TEX11: variants seen among roughly 807,000 people sequenced by gnomAD.
The protein encoded by TEX11 is testis expressed 11, also known as testis-expressed protein 11.
TEX11 carries 7 observed loss-of-function variants against 84.4 expected under a neutral mutation model. The ratio of observed to expected loss-of-function variants is 0.08; its 90% CI spans 0.05 to 0.16. TEX11 has a LOEUF of 0.16. TEX11 is among the 10% of genes least tolerant of loss of function. TEX11 has a pLI of 1.00. For synonymous variants in TEX11, 264 were observed against 222.8 expected (o/e 1.18, Z -1.64); for missense variants, 551 against 660.5 (o/e 0.83, Z 1.82).
rs759967797 is a variant in TEX11, at chrX:70,622,538, G to A, written c.1751+1412C>T. Among the ~76,000 whole-genome samples, 7 of 111,477 alleles carry A rather than the reference G, an allele frequency of 6.3e-5. No homozygotes were observed. In the South Asian group the frequency reaches 1.5e-3, roughly 24 times the overall value. ...TAATATTCAGTCATTTAAATAAATCGAATGGCAATTATGTGTCAGATACTG... is the reference window on the plus strand; with the variant it reads ...TAATATTCAGTCATTTAAATAAATCAAATGGCAATTATGTGTCAGATACTG... On this transcript the variant is annotated intron_variant, in intron 20 of 29. Coordinates refer to ENST00000374333, the MANE Select transcript of TEX11 (RefSeq NM_031276.3).
intron 17 of TEX11, among the ~76,000 whole-genome samples, chrX:70,643,607 A>G (rs1159348010): frequency 1.4e-4 from 15 of 109,469 alleles, no homozygotes; most frequent in Admixed American, 1.3e-3. Context: ...AGCCCTCAGA[A>G]ATAACGCTGC....
intron 11 of TEX11, among the ~76,000 whole-genome samples, chrX:70,730,260 C>G (rs59099833): frequency 0.019 from 2,099 of 111,628 alleles, 49 homozygotes; most frequent in African/African-American, 0.065. Flanking sequence ...GGCAAAATAA[C>G]CAGCTAACAT....
At chrX:70,704,119 C>G (rs1470186474) in intron 13 of TEX11, among the ~76,000 whole-genome samples, 3 of 109,417 alleles carry the variant, frequency 2.7e-5, no homozygotes, top group Non-Finnish European at 5.7e-5. Flanking sequence ...GTCTCTGTCT[C>G]TCTCTCTCTC....
intron 25 of TEX11, among the ~76,000 whole-genome samples, chrX:70,576,241 C>T (rs1485271740): frequency 1.8e-5 from 2 of 111,475 alleles, no homozygotes; most frequent in Non-Finnish European, 3.8e-5. Context: ...AAAAGGATGG[C>T]GTTTTCCAAT....
chrX:70,686,316 A>C (rs1299076364), intron 13 of TEX11, among the ~76,000 whole-genome samples: 1 of 112,223 alleles, frequency 8.9e-6, no homozygotes, highest in African/African-American at 3.2e-5. Flanking sequence ...GACTGGATAA[A>C]GAAAATGTGG....
chrX:70,654,781 T>C (rs1013276162), intron 16 of TEX11, among the ~76,000 whole-genome samples: 1 of 104,743 alleles, frequency 9.5e-6, no homozygotes, highest in Non-Finnish European at 1.9e-5. Flanking sequence ...TAAACTCAGA[T>C]ATACCAATAT....
At chrX:70,801,406 A>T (rs1350350007) in intron 9 of TEX11, among the ~76,000 whole-genome samples, 1 of 111,404 alleles carries the variant, frequency 9.0e-6, no homozygotes, top group African/African-American at 3.3e-5. Flanking sequence ...ATATAATTCT[A>T]CCTGACTGGA....
At chrX:70,652,305 G>A (rs986507015) in intron 16 of TEX11, among the ~76,000 whole-genome samples, 23 of 111,125 alleles carry the variant, frequency 2.1e-4, no homozygotes, top group Non-Finnish European at 3.2e-4. Context: ...GTCAGCCTTC[G>A]AAATATTTCC....
At chrX:70,818,007 A>G (rs939843224) in intron 8 of TEX11, among the ~76,000 whole-genome samples, 4 of 111,370 alleles carry the variant, frequency 3.6e-5, no homozygotes, top group Non-Finnish European at 7.5e-5. Flanking sequence ...AGGCAAAAAC[A>G]GCTCTCAGAG....
At chrX:70,644,955 AAAAG>A (rs1362024961) in intron 17 of TEX11, among the ~76,000 whole-genome samples, 6 of 110,359 alleles carry the variant, frequency 5.4e-5, no homozygotes, top group African/African-American at 1.6e-4. Context: ...ATAAAATAAA[AAAAG>A]AAAGAGAAGA....
intron 9 of TEX11, among the ~76,000 whole-genome samples, chrX:70,801,671 T>C (rs1029140295): frequency 8.4e-5 from 8 of 95,043 alleles, no homozygotes; most frequent in Admixed American, 1.4e-4. Context: ...CTTTCTTTCT[T>C]TCTTTCTTTC....
intron 25 of TEX11, among the ~76,000 whole-genome samples, chrX:70,573,307 T>G (rs1430246255): frequency 8.9e-6 from 1 of 111,751 alleles, no homozygotes; most frequent in East Asian, 2.8e-4. Flanking sequence ...GAGGCATGAT[T>G]TAAATGGAAT....
chrX:70,806,465 AAAAAAAGAAAGAAAGG>A (rs902717950), intron 9 of TEX11, among the ~76,000 whole-genome samples: 14 of 110,661 alleles, frequency 1.3e-4, no homozygotes, highest in Middle Eastern at 4.7e-3. Flanking sequence ...AAAAAAGAAG[AAAAAAAGAAAGAAAGG>A]AAAAAAGAAA....
chrX:70,842,290 A>C (rs1387038204), intron 7 of TEX11, among the ~76,000 whole-genome samples: 1 of 111,293 alleles, frequency 9.0e-6, no homozygotes, highest in Admixed American at 9.7e-5. Context: ...ACCATGATTA[A>C]GTGGGCTTCA....
chrX:70,733,448 A>C (rs1259887329), intron 11 of TEX11, among the ~76,000 whole-genome samples: 1 of 111,786 alleles, frequency 8.9e-6, no homozygotes, highest in Non-Finnish European at 1.9e-5. Context: ...ACTGAAACAA[A>C]TTTACAGGAA....
intron 2 of TEX11, among the ~76,000 whole-genome samples, chrX:70,890,012 C>T (rs1305545419): frequency 9.0e-6 from 1 of 110,972 alleles, no homozygotes; most frequent in Middle Eastern, 4.2e-3. Flanking sequence ...GAAAACAAAA[C>T]CCATTGATCC....
At chrX:70,884,617 T>C (rs991522929) in intron 2 of TEX11, among the ~76,000 whole-genome samples, 5 of 111,050 alleles carry the variant, frequency 4.5e-5, no homozygotes, top group African/African-American at 1.6e-4. Flanking sequence ...ACAAAGATAA[T>C]AATTTTTCCT....
chrX:70,856,482 T>G (rs1174957568), intron 5 of TEX11, among the ~76,000 whole-genome samples: 1 of 111,392 alleles, frequency 9.0e-6, no homozygotes, highest in Non-Finnish European at 1.9e-5. Flanking sequence ...CATCTTCCCA[T>G]GTACTATAAA....
In TEX11 at chrX:70,834,191, TA is replaced by T. The variant is rs34937826; in HGVS notation, c.526-599del. ...GATGACAGAGCAAAACCCCATCTCTTAAAAAAAAAAAAAATTTTAAGAAAAA... is the reference window on the plus strand; with the variant it reads ...GATGACAGAGCAAAACCCCATCTCTTAAAAAAAAAAAAATTTTAAGAAAAA... On this transcript the variant is annotated intron_variant, in intron 7 of 29. Coordinates refer to ENST00000374333, the MANE Select transcript of TEX11 (RefSeq NM_031276.3). 3.5e-3 allele frequency among the ~76,000 whole-genome samples: 350 copies of T among 99,381 alleles called. 3 individuals carry two copies. The highest frequency in any genetic ancestry group is 0.011 in the African/African-American group (311 of 27,433). The allele number at this position is 99,381 out of a possible 115,157, so 86.3% of individuals were successfully genotyped here.
Sources: gnomAD v4.1 joint callset for allele counts (sites outside exome capture counted in the v4.1 genomes callset) on GRCh38, gnomAD v4.1.1 for gene constraint, MANE v1.5 for transcripts, NCBI Gene and HGNC (gene_info 2026-07-23, HGNC 2026-07-21) for gene names.